Variants in PARD3B observed in about 807,000 individuals in gnomAD.
PARD3B encodes the protein par-3 family cell polarity regulator beta.
In PARD3B, 103 loss-of-function variants were observed where a neutral mutation model predicts 130.2. The ratio of observed to expected loss-of-function variants is 0.79; its 90% CI spans 0.67 to 0.93. PARD3B has a LOEUF of 0.93. PARD3B is among the 40% of genes least tolerant of loss of function. The probability of loss-of-function intolerance (pLI) is 0.00; values close to 1 mark genes in which losing one functional copy is unlikely to be tolerated. For missense variants in PARD3B, 1,609 were observed against 1,499.2 expected, an observed-to-expected ratio of 1.07 and a Z score of -1.21; for synonymous variants, 583 against 553.2, an observed-to-expected ratio of 1.05 and a Z score of -0.76.
Position 205,221,436 on chromosome 2 carries a change from A to G in PARD3B, c.2141-24342A>G, listed in dbSNP as rs573567434. On this transcript the variant is annotated intron_variant, in intron 15 of 22. Transcript: ENST00000406610. ...GCTGACTGCACACAGTTGATGAGCC[A>G]GCAGTAGCCCGGTTCAGCTGCCAGG... 2.6e-5 allele frequency among the ~76,000 whole-genome samples: 4 copies of G among 152,308 alleles called. No individual in the cohort carries two copies. In the South Asian group the frequency reaches 8.3e-4, roughly 32 times the overall value.
chr2:205,530,968 G>A lies in PARD3B; in HGVS notation c.3181-22356G>A, dbSNP rs2051564121. ...AAGGAGAGGGGTTGTGATCTGAAAG[G>A]TAAGATTTCAATATCTGTATGTAGA... On this transcript the variant is annotated intron_variant, in intron 21 of 22. Coordinates refer to ENST00000406610, the MANE Select transcript of PARD3B (RefSeq NM_001302769.2). This position sits in a 1 kb window ranked among gnomAD's most constrained non-coding sequence, Gnocchi z 4.7. Among the ~76,000 whole-genome samples the A allele has an allele frequency of 6.6e-6, 1 of 152,166 alleles. No individual in the cohort carries two copies. The highest frequency in any genetic ancestry group is 1.5e-5 in the Non-Finnish European group (1 of 68,030).
intron 4 of PARD3B, among the ~76,000 whole-genome samples, chr2:205,089,685 C>T (rs566221645): frequency 1.5e-3 from 221 of 152,306 alleles, no homozygotes; most frequent in Non-Finnish European, 2.6e-3. Flanking sequence ...CTCATTGATT[C>T]TCCATTTCCT....
rs1258097481 is a variant in PARD3B, at chr2:205,116,999, C to T, written c.681-1922C>T. On this transcript the variant is annotated intron_variant, in intron 6 of 22. Coordinates refer to ENST00000406610, the MANE Select transcript of PARD3B (RefSeq NM_001302769.2). This position sits in a 1 kb window ranked among gnomAD's most constrained non-coding sequence, Gnocchi z 4.5. ...AATTAAATCCTAGGGAGTAACATTA[C>T]ATGACTGATGATGTACTGAATTAAA... 6.6e-6 allele frequency among the ~76,000 whole-genome samples: 1 copy of T among 152,122 alleles called. No homozygotes were observed. The highest frequency in any genetic ancestry group is 1.5e-5 in the Non-Finnish European group (1 of 68,018).
chr2:205,538,969 A>G (rs934992465), intron 21 of PARD3B, among the ~76,000 whole-genome samples: 2 of 152,162 alleles, frequency 1.3e-5, no homozygotes, highest in East Asian at 1.9e-4. Flanking sequence ...GCATTTACAG[A>G]TGAGAGAAAT....
At chr2:204,605,019 T>C (rs2033657217) in intron 1 of PARD3B, among the ~76,000 whole-genome samples, 1 of 152,054 alleles carries the variant, frequency 6.6e-6, no homozygotes, top group African/African-American at 2.4e-5. Context: ...GTGCTGGGAA[T>C]TTTTGACAAA....
At chr2:205,009,564 G>A (rs574241215) in intron 3 of PARD3B, among the ~76,000 whole-genome samples, 1 of 151,926 alleles carries the variant, frequency 6.6e-6, no homozygotes, top group African/African-American at 2.4e-5. Context: ...CCAGCTTCTC[G>A]GGAGGCTGAG....
chr2:204,764,715 C>CTTGTGTGTGTGT (rs60298501), intron 2 of PARD3B, among the ~76,000 whole-genome samples: 2 of 145,644 alleles, frequency 1.4e-5, no homozygotes, highest in East Asian at 4.1e-4. Context: ...GGCATGCATG[C>CTTGTGTGTGTGT]GTGTGTGTGT....
At chr2:205,141,529 C>T (rs1261949602) in intron 10 of PARD3B, among the ~76,000 whole-genome samples, 1 of 152,136 alleles carries the variant, frequency 6.6e-6, no homozygotes, top group Non-Finnish European at 1.5e-5. Context: ...CAGATTTACT[C>T]CACCCCATAT....
At chr2:205,067,524 GC>G (rs1700467586) in intron 4 of PARD3B, among the ~76,000 whole-genome samples, 1 of 151,904 alleles carries the variant, frequency 6.6e-6, no homozygotes. Flanking sequence ...CAGTGTTTAT[GC>G]TTATCAATTT....
intron 2 of PARD3B, among the ~76,000 whole-genome samples, chr2:204,723,912 T>C (rs1374007963): frequency 6.6e-6 from 1 of 152,130 alleles, no homozygotes; most frequent in African/African-American, 2.4e-5. Context: ...TGGCAAGAAA[T>C]AGTGATTTTT....
chr2:205,035,426 G>T (rs1697749684), intron 3 of PARD3B, among the ~76,000 whole-genome samples: 1 of 152,088 alleles, frequency 6.6e-6, no homozygotes, highest in African/African-American at 2.4e-5. Flanking sequence ...CATTTGTCAA[G>T]GTATCGATGA....
intron 13 of PARD3B, among the ~76,000 whole-genome samples, chr2:205,184,813 C>T (rs2036002213): frequency 2.6e-5 from 4 of 151,962 alleles, no homozygotes; most frequent in Admixed American, 2.0e-4. Context: ...ATTTAATTCT[C>T]ATATTCCTCC....
At position 204,624,843 on chromosome 2, in the gene PARD3B, T is replaced by G. The variant is rs76866912; in HGVS notation, c.121-61338T>G. Among the ~76,000 whole-genome samples the G allele has an allele frequency of 1.2e-4, 19 of 152,274 alleles. No homozygotes were observed. In the East Asian group the frequency reaches 3.3e-3, roughly 26 times the overall value. On this transcript the variant is annotated intron_variant, in intron 1 of 22. Coordinates refer to ENST00000406610, the MANE Select transcript of PARD3B (RefSeq NM_001302769.2). The stretch of plus-strand genomic sequence containing the variant: ...CCAGAGTAGCTGTACTGCTTTCTAC[T>G]GTCACCAGTAATGTATAAGAGATCC...
At chr2:205,448,311 A>G (rs1367918084) in intron 20 of PARD3B, among the ~76,000 whole-genome samples, 1 of 152,196 alleles carries the variant, frequency 6.6e-6, no homozygotes, top group Admixed American at 6.5e-5. Flanking sequence ...GACTCTGGGT[A>G]TCCTTTGATT....
At chr2:205,034,331 C>A (rs554323446) in intron 3 of PARD3B, among the ~76,000 whole-genome samples, 20 of 152,270 alleles carry the variant, frequency 1.3e-4, no homozygotes, top group Admixed American at 3.9e-4. Context: ...TCCCAGATAT[C>A]ACTTTCTCTC....
intron 10 of PARD3B, among the ~76,000 whole-genome samples, chr2:205,157,413 A>C (rs1261821507): frequency 6.6e-6 from 1 of 152,208 alleles, no homozygotes; most frequent in Non-Finnish European, 1.5e-5. Context: ...ATATTGTCAA[A>C]ATCTTCACAG....
chr2:204,804,664 T>C (rs1433138463), intron 2 of PARD3B, among the ~76,000 whole-genome samples: 2 of 152,230 alleles, frequency 1.3e-5, no homozygotes, highest in Non-Finnish European at 2.9e-5. Context: ...GAACATTTCA[T>C]CCAGTGGCTG....
chr2:205,534,415 C>T (rs183847494), intron 21 of PARD3B, among the ~76,000 whole-genome samples: 34 of 150,644 alleles, frequency 2.3e-4, no homozygotes, highest in African/African-American at 6.8e-4. Context: ...GGAGAATGGA[C>T]GGAGGCCAGA....
chr2:205,179,749 T>C (rs563830187), intron 13 of PARD3B, among the ~76,000 whole-genome samples: 6 of 152,320 alleles, frequency 3.9e-5, no homozygotes, highest in Non-Finnish European at 8.8e-5. Flanking sequence ...TCTGAAGACA[T>C]TGAGATACTT....
Sources: gnomAD v4.1 joint callset for allele counts (sites outside exome capture counted in the v4.1 genomes callset) on GRCh38, gnomAD v4.1.1 for gene constraint, Gnocchi (gnomAD v3.1) non-coding constraint, MANE v1.5 for transcripts, NCBI Gene and HGNC (gene_info 2026-07-23, HGNC 2026-07-21) for gene names.